Variants in CNTNAP2 observed in about 807,000 individuals in gnomAD.
The protein encoded by CNTNAP2 is contactin associated protein 2, also known as contactin-associated protein-like 2.
A neutral mutation model predicts 155.2 loss-of-function variants in CNTNAP2; 98 were observed. The ratio of observed to expected loss-of-function variants is 0.63; its 90% CI spans 0.54 to 0.75. The LOEUF is 0.75. Among genes scored for constraint, CNTNAP2 ranks in the 30% least tolerant of loss-of-function variants. The probability of loss-of-function intolerance (pLI) is 0.00; values close to 1 mark genes in which losing one functional copy is unlikely to be tolerated. For missense variants in CNTNAP2, 1,727 were observed against 1,688.1 expected (o/e 1.02, Z -0.40); for synonymous variants, 651 against 631.2 (o/e 1.03, Z -0.47).
intron 1 of CNTNAP2, among the ~76,000 whole-genome samples, chr7:146,468,556 ACT>A (rs1563095688): frequency 2.0e-5 from 3 of 152,180 alleles, no homozygotes; most frequent in African/African-American, 4.8e-5. Context: ...GATTGAACTG[ACT>A]CTGATAATTA....
chr7:146,960,301 T>C (rs1192260274), intron 3 of CNTNAP2, among the ~76,000 whole-genome samples: 1 of 152,242 alleles, frequency 6.6e-6, no homozygotes, highest in African/African-American at 2.4e-5. Context: ...TCTTATTACT[T>C]ATTTTGAGAA....
chr7:148,026,783 A>G (rs1802383934), intron 15 of CNTNAP2, among the ~76,000 whole-genome samples: 1 of 152,224 alleles, frequency 6.6e-6, no homozygotes, highest in Non-Finnish European at 1.5e-5. Context: ...GCTACAGGCT[A>G]GCAAGATTTC....
chr7:147,590,624 T>C (rs1030757776), intron 12 of CNTNAP2, among the ~76,000 whole-genome samples: 4 of 152,172 alleles, frequency 2.6e-5, no homozygotes, highest in Non-Finnish European at 5.9e-5. Context: ...AATATACAAA[T>C]ACTGAGGATT....
chr7:147,129,229 A>G (rs1801300611), intron 7 of CNTNAP2, among the ~76,000 whole-genome samples: 1 of 152,204 alleles, frequency 6.6e-6, no homozygotes, highest in South Asian at 2.1e-4. Flanking sequence ...AAGTTTTTAA[A>G]TCAGGGACTT....
chr7:146,816,375 G>A (rs1803169810), intron 2 of CNTNAP2, among the ~76,000 whole-genome samples: 2 of 152,122 alleles, frequency 1.3e-5, no homozygotes, highest in Non-Finnish European at 2.9e-5. Flanking sequence ...ATTCGGTGGA[G>A]AGAACTTTTC....
intron 21 of CNTNAP2, among the ~76,000 whole-genome samples, chr7:148,304,981 A>G (rs764828549): frequency 1.7e-4 from 25 of 151,332 alleles, no homozygotes; most frequent in Non-Finnish European, 3.1e-4. Flanking sequence ...TTTGGGAGGC[A>G]CAGGTGAGGG....
In CNTNAP2 at chr7:146,381,737, A is replaced by C. The variant is rs541783256; in HGVS notation, c.97+264764A>C. ...GAAGAGCTAAAGATAAGGGCTTATA[A>C]GATTCATTTTATTTTGGGAAGAAAT... On this transcript the variant is annotated intron_variant, in intron 1 of 23. Transcript: ENST00000361727. 6.6e-5 allele frequency among the ~76,000 whole-genome samples: 10 copies of C among 152,308 alleles called. No homozygotes were observed. In the East Asian group the frequency reaches 1.9e-3, roughly 29 times the overall value.
intron 3 of CNTNAP2, among the ~76,000 whole-genome samples, chr7:146,930,341 A>C (rs149555150): frequency 0.37 from 55,769 of 151,180 alleles, 10,798 homozygotes; most frequent in Middle Eastern, 0.42. Flanking sequence ...CCAAACTAAG[A>C]TTCATAAGTG....
chr7:146,178,707 G>T (rs62504804), intron 1 of CNTNAP2, among the ~76,000 whole-genome samples: 1 of 151,904 alleles, frequency 6.6e-6, no homozygotes, highest in Non-Finnish European at 1.5e-5. Context: ...CTAAATTATT[G>T]CTCAAAATAT....
intron 10 of CNTNAP2, among the ~76,000 whole-genome samples, chr7:147,471,243 G>A (rs531078756): frequency 6.6e-6 from 1 of 152,240 alleles, no homozygotes; most frequent in East Asian, 1.9e-4. Flanking sequence ...TGCATACAAA[G>A]TTTAACCTGA....
At chr7:146,800,547 A>T (rs1397322045) in intron 2 of CNTNAP2, among the ~76,000 whole-genome samples, 2 of 152,210 alleles carry the variant, frequency 1.3e-5, no homozygotes. Context: ...GAAATTCCCC[A>T]AAATATGCAG....
chr7:146,279,910 GTACTA>G (rs1224761220), intron 1 of CNTNAP2, among the ~76,000 whole-genome samples: 3 of 151,490 alleles, frequency 2.0e-5, no homozygotes, highest in Admixed American at 2.0e-4. Context: ...GTAGAAAAAA[GTACTA>G]TATACTAATA....
intron 13 of CNTNAP2, among the ~76,000 whole-genome samples, chr7:147,863,947 C>A (rs1257939383): frequency 2.6e-5 from 4 of 152,132 alleles, no homozygotes; most frequent in Non-Finnish European, 5.9e-5. Flanking sequence ...TCTGATTTGT[C>A]TATTTTGGCT....
At chr7:146,645,716 G>C (rs920016719) in intron 1 of CNTNAP2, among the ~76,000 whole-genome samples, 102 of 152,058 alleles carry the variant, frequency 6.7e-4, no homozygotes, top group Admixed American at 6.7e-3. Flanking sequence ...TGTATCCACA[G>C]AGTTATATGT....
chr7:146,736,344 T>C (rs1001531654), intron 1 of CNTNAP2, among the ~76,000 whole-genome samples: 4 of 152,156 alleles, frequency 2.6e-5, no homozygotes, highest in East Asian at 1.9e-4. Context: ...TCAAAGACAA[T>C]GGGAAAAAAA....
At chr7:148,137,530 C>T (rs548838682) in intron 16 of CNTNAP2, among the ~76,000 whole-genome samples, 87 of 152,184 alleles carry the variant, frequency 5.7e-4, no homozygotes, top group African/African-American at 1.2e-3. Context: ...GATGTGGTGG[C>T]GCGTGCCTGC....
chr7:146,510,948 G>A (rs1293112973), intron 1 of CNTNAP2, among the ~76,000 whole-genome samples: 2 of 152,076 alleles, frequency 1.3e-5, no homozygotes, highest in Admixed American at 6.5e-5. Flanking sequence ...CCAGCCTGGA[G>A]TGCAGTGGCC....
intron 20 of CNTNAP2, among the ~76,000 whole-genome samples, chr7:148,258,025 C>G (rs1005789315): frequency 5.9e-5 from 9 of 152,158 alleles, no homozygotes; most frequent in African/African-American, 2.2e-4. Context: ...AAATGAGCAC[C>G]TTGCATATCA....
chr7:147,460,958 C>CT (rs980119001), intron 10 of CNTNAP2, among the ~76,000 whole-genome samples: 2 of 152,030 alleles, frequency 1.3e-5, no homozygotes, highest in African/African-American at 4.8e-5. Context: ...GAGAGTAGAA[C>CT]TTTTTTTGGT....
Sources: gnomAD v4.1 joint callset for allele counts (sites outside exome capture counted in the v4.1 genomes callset) on GRCh38, gnomAD v4.1.1 for gene constraint, MANE v1.5 for transcripts, NCBI Gene and HGNC (gene_info 2026-07-23, HGNC 2026-07-21) for gene names.